PSMA8: variants seen among roughly 807,000 people sequenced by gnomAD.
The protein encoded by PSMA8 is proteasome subunit alpha-type 8.
A neutral mutation model predicts 32.4 loss-of-function variants in PSMA8; 18 were observed. The ratio of observed to expected loss-of-function variants is 0.56; its 90% confidence interval spans 0.38 to 0.82. PSMA8 has a LOEUF of 0.82. Among genes scored for constraint, PSMA8 ranks in the 40% least tolerant of loss-of-function variants. The pLI, the probability that PSMA8 is intolerant of heterozygous loss-of-function variation, is 0.00. For missense variants in PSMA8, 298 were observed against 300.7 expected, an observed-to-expected ratio of 0.99 and a Z score of 0.07; for synonymous variants, 104 against 98.1, an observed-to-expected ratio of 1.06 and a Z score of -0.36.
chr18:26,173,622 T>G (rs983277306), intron 4 of PSMA8, among the ~76,000 whole-genome samples: 1 of 151,866 alleles, frequency 6.6e-6, no homozygotes, highest in African/African-American at 2.4e-5. Context: ...AATGGCACGA[T>G]CTGGGCTCAC....
rs1195691902 is a variant in PSMA8, at chr18:26,192,516, G to T, written c.*105G>T. The T allele has an allele frequency of 3.8e-6, 5 of 1,310,810 alleles. No individual in the cohort carries two copies. Among genetic ancestry groups the T allele is most frequent in the Non-Finnish European group, 5.0e-6 (5 of 1,000,314 alleles). The allele number at this position is 1,310,810 out of a possible 1,614,324, so 81.2% of individuals were successfully genotyped here. On this transcript the variant is annotated 3_prime_UTR_variant, in exon 7 of 7. Coordinates refer to ENST00000415576, the MANE Select transcript of PSMA8 (RefSeq NM_001025096.2). ...AAACAGTTATTTTGCAGCATTACAT[G>T]CAGTACTTGTGTGATGTTTTGAGAA...
At chr18:26,144,714 T>C in intron 2 of PSMA8, 29 bp downstream of exon 2, 1 of 1,611,054 alleles carries the variant, frequency 6.2e-7, no homozygotes, top group Non-Finnish European at 8.5e-7. Flanking sequence ...TAATGATGCA[T>C]AGTGTCTTAC....
At chr18:26,182,856 C>A (rs1260306887) in intron 6 of PSMA8, among the ~76,000 whole-genome samples, 2 of 151,874 alleles carry the variant, frequency 1.3e-5, no homozygotes, top group Non-Finnish European at 2.9e-5. Flanking sequence ...TTTGGGAGGC[C>A]GGAGGCAGGT....
chr18:26,137,758 ACTAT>A (rs1018267028), intron 1 of PSMA8, among the ~76,000 whole-genome samples: 1 of 152,188 alleles, frequency 6.6e-6, no homozygotes, highest in Non-Finnish European at 1.5e-5. Flanking sequence ...TAGAGATCCT[ACTAT>A]CTATCAGGAA....
At chr18:26,155,125 C>G (rs946891059) in intron 3 of PSMA8, among the ~76,000 whole-genome samples, 2 of 151,974 alleles carry the variant, frequency 1.3e-5, no homozygotes, top group African/African-American at 4.8e-5. Flanking sequence ...ACCCCAGCTA[C>G]TTGGAAGGCT....
Position 26,153,457 on chromosome 18 carries a change from A to T in PSMA8, c.354+1475A>T, listed in dbSNP as rs73405467. On this transcript the variant is annotated intron_variant, in intron 3 of 6. Transcript: ENST00000415576. The stretch of plus-strand genomic sequence containing the variant: ...AAACAATTTTTATTGTACAGCTAGC[A>T]ATGTATAAATGTATCCTTGAAGAAT... 7.3e-3 allele frequency among the ~76,000 whole-genome samples: 1,107 copies of T among 152,318 alleles called. 17 individuals are homozygous for T. The highest frequency in any genetic ancestry group is 0.025 in the African/African-American group (1,051 of 41,584).
intron 6 of PSMA8, among the ~76,000 whole-genome samples, 182 bp downstream of exon 6, chr18:26,179,312 TA>T (rs555037027): frequency 0.01 from 1,404 of 139,614 alleles, 12 homozygotes; most frequent in Middle Eastern, 0.021. Flanking sequence ...TTTTTTTTTT[TA>T]AATAGAGACG....
chr18:26,180,691 A>AAT (rs1332004981), intron 6 of PSMA8, among the ~76,000 whole-genome samples: 1 of 135,560 alleles, frequency 7.4e-6, no homozygotes. Flanking sequence ...TGCATATAAA[A>AAT]ATAGACACAC....
chr18:26,162,682 G>A (rs950649258), intron 4 of PSMA8, among the ~76,000 whole-genome samples: 3 of 152,076 alleles, frequency 2.0e-5, no homozygotes, highest in Non-Finnish European at 4.4e-5. Flanking sequence ...TGGCTAACAC[G>A]GTGAAACCCC....
chr18:26,144,668 T>A lies in PSMA8; in HGVS notation c.212T>A (p.Val71Asp). Reference protein sequence around the residue: ...VRKICALDDHVCMAFAGLTAD... With the variant: ...VRKICALDDHDCMAFAGLTAD... Reference sequence around the variant, plus strand: ...AAAATTTGTGCCCTTGATGACCATGTCTGCATGGCTTTTGCAGGTACTTAA... The same window carrying A: ...AAAATTTGTGCCCTTGATGACCATGACTGCATGGCTTTTGCAGGTACTTAA... Residue 71 changes from valine (V) to aspartate (D), a missense_variant, in exon 2 of 7, where the codon GTC becomes GAC. Val to Asp is a radical substitution (Grantham distance 152). Coordinates refer to ENST00000415576, the MANE Select transcript of PSMA8 (RefSeq NM_001025096.2). 1 of 1,613,958 alleles carries A rather than the reference T, an allele frequency of 6.2e-7. No individual in the cohort carries two copies. The highest frequency in any genetic ancestry group is 1.1e-5 in the South Asian group (1 of 91,070).
intron 4 of PSMA8, among the ~76,000 whole-genome samples, chr18:26,176,523 T>C (rs1247392498): frequency 6.6e-6 from 1 of 152,202 alleles, no homozygotes; most frequent in Admixed American, 6.5e-5. Flanking sequence ...TTATATAAAG[T>C]AAAAATAATC....
In PSMA8 at chr18:26,148,586, T is replaced by C. The variant is rs186251129; in HGVS notation, c.230-3272T>C. Among the ~76,000 whole-genome samples the C allele has an allele frequency of 6.6e-5, 10 of 152,232 alleles. No individual in the cohort carries two copies. The East Asian group carries it at 1.9e-3, about 29-fold the overall frequency. ...TACTCAGTGGTGAAAGATTGAAAGC[T>C]TTCCCTCTAGAACCAGGAACAAGAT... On this transcript the variant is annotated intron_variant, in intron 2 of 6. Transcript: ENST00000415576.
chr18:26,144,421 G>A (rs2054984459), intron 1 of PSMA8, 138 bp from the exon 2 acceptor site: 2 of 670,486 alleles, frequency 3.0e-6, no homozygotes, highest in Admixed American at 2.9e-5. Context: ...CTATGAAGCT[G>A]TTTTCTAGAA....
chr18:26,151,836 G>A, intron 2 of PSMA8, 22 bp from the exon 3 acceptor site: 1 of 1,570,576 alleles, frequency 6.4e-7, no homozygotes, highest in African/African-American at 1.4e-5. Context: ...TGGTTTTTGT[G>A]AAGTTTTGAC....
intron 6 of PSMA8, among the ~76,000 whole-genome samples, chr18:26,186,563 C>T (rs1456375972): frequency 6.6e-6 from 1 of 152,040 alleles, no homozygotes. Flanking sequence ...CTTGGCAATT[C>T]CAGTTGTATC....
chr18:26,177,732 C>A (rs970136364), intron 4 of PSMA8, among the ~76,000 whole-genome samples: 1 of 152,082 alleles, frequency 6.6e-6, no homozygotes, highest in Non-Finnish European at 1.5e-5. Flanking sequence ...AAGATGATAA[C>A]AAATCAATTA....
intron 3 of PSMA8, among the ~76,000 whole-genome samples, chr18:26,152,875 G>A (rs2055057897): frequency 6.6e-6 from 1 of 152,122 alleles, no homozygotes; most frequent in Non-Finnish European, 1.5e-5. Context: ...TCTGTGATGG[G>A]ATGACATGGC....
At chr18:26,163,121 T>C (rs910522796) in intron 4 of PSMA8, among the ~76,000 whole-genome samples, 1 of 149,128 alleles carries the variant, frequency 6.7e-6, no homozygotes, top group Non-Finnish European at 1.5e-5. Context: ...ACTCAACAGA[T>C]GAAAATTCCT....
At chr18:26,159,182 T>C (rs1413410413) in intron 4 of PSMA8, among the ~76,000 whole-genome samples, 1 of 152,232 alleles carries the variant, frequency 6.6e-6, no homozygotes, top group Non-Finnish European at 1.5e-5. Flanking sequence ...TTTACTATTA[T>C]TAAGAGCCAA....
Sources: allele counts gnomAD v4.1 joint callset (sites outside exome capture counted in the v4.1 genomes callset), GRCh38; gene constraint gnomAD v4.1.1; transcripts MANE v1.5; gene names NCBI Gene and HGNC (gene_info 2026-07-23, HGNC 2026-07-21).